Variants in GLIS3 observed in about 807,000 individuals in gnomAD.
GLIS3 encodes GLIS family zinc finger 3, also known as zinc finger protein GLIS3.
Under a neutral mutation model 78.6 loss-of-function variants are expected in GLIS3, and 53 were observed. The observed-to-expected ratio is 0.67, with a 90% CI of 0.54 to 0.85. The LOEUF (loss-of-function observed/expected upper bound fraction) is 0.85. GLIS3 is among the 40% of genes least tolerant of loss of function. The pLI is 0.00. For synonymous variants in GLIS3, 684 were observed against 509.9 expected (o/e 1.34, Z -4.60); for missense variants, 1,703 against 1,231.1 (o/e 1.38, Z -5.74).
At chr9:4,138,411 A>T (rs534378372) in intron 2 of GLIS3, among the ~76,000 whole-genome samples, 1 of 152,292 alleles carries the variant, frequency 6.6e-6, no homozygotes, top group East Asian at 1.9e-4. Context: ...CCTAATCTTA[A>T]ATTGAGTTGC....
At chr9:4,389,090 C>A in the GLIS3 span, among the ~76,000 whole-genome samples, 1 of 152,190 alleles carries the variant, frequency 6.6e-6, no homozygotes, top group Non-Finnish European at 1.5e-5. Flanking sequence ...AATGACCCAG[C>A]AGCTACTGAG....
chr9:4,374,259 T>C, the GLIS3 span, among the ~76,000 whole-genome samples: 1 of 152,190 alleles, frequency 6.6e-6, no homozygotes, highest in Non-Finnish European at 1.5e-5. Context: ...ACTCCCCTTC[T>C]CTGAAGCAAT....
chr9:3,839,438 C>T (rs965919585), intron 9 of GLIS3, among the ~76,000 whole-genome samples: 2 of 152,030 alleles, frequency 1.3e-5, no homozygotes, highest in African/African-American at 4.8e-5. Flanking sequence ...AGTGTTATAC[C>T]AACCACTCAG....
intron 6 of GLIS3, among the ~76,000 whole-genome samples, chr9:3,901,621 A>G (rs895115987): frequency 3.9e-5 from 6 of 152,336 alleles, no homozygotes; most frequent in East Asian, 3.9e-4. Flanking sequence ...AAAGCTTCAT[A>G]AAGAGACAAA....
intron 2 of GLIS3, among the ~76,000 whole-genome samples, chr9:4,239,627 C>T (rs1365364096): frequency 3.9e-5 from 6 of 152,318 alleles, no homozygotes; most frequent in East Asian, 3.9e-4. Context: ...AGAAGGTCTA[C>T]GCTTTGGAGG....
chr9:4,000,584 A>C (rs1215528478), intron 4 of GLIS3, among the ~76,000 whole-genome samples: 3 of 152,206 alleles, frequency 2.0e-5, no homozygotes, highest in African/African-American at 7.2e-5. Context: ...AGCTCGTTTA[A>C]AGAAAAAGAA....
At chr9:4,477,440 G>T in the GLIS3 span, among the ~76,000 whole-genome samples, 1 of 151,852 alleles carries the variant, frequency 6.6e-6, no homozygotes, top group African/African-American at 2.4e-5. Flanking sequence ...TTGAGATAGG[G>T]GTCTCTCTTT....
chr9:4,356,732 C>A, the GLIS3 span, among the ~76,000 whole-genome samples: 2 of 152,148 alleles, frequency 1.3e-5, no homozygotes, highest in East Asian at 1.9e-4. Context: ...CAACAAAGAT[C>A]ATCAACAATG....
intron 2 of GLIS3, among the ~76,000 whole-genome samples, chr9:4,141,913 A>T (rs375809787): frequency 9.2e-5 from 14 of 152,146 alleles, no homozygotes; most frequent in African/African-American, 3.1e-4. Context: ...TTTTTAACTT[A>T]TAAGAGAACT....
chr9:4,197,290 C>G (rs7874424), intron 2 of GLIS3, among the ~76,000 whole-genome samples: 28,288 of 152,114 alleles, frequency 0.19, 4,521 homozygotes, highest in African/African-American at 0.44. Context: ...TGACTAAGCA[C>G]ATCTCCAGAC....
intron 4 of GLIS3, among the ~76,000 whole-genome samples, chr9:4,011,468 G>T (rs577681277): frequency 1.3e-5 from 2 of 152,162 alleles, no homozygotes; most frequent in African/African-American, 4.8e-5. Context: ...TATTAGCAAG[G>T]CCTTGGGGAA....
intron 4 of GLIS3, among the ~76,000 whole-genome samples, chr9:4,080,105 A>T (rs957343042): frequency 6.6e-6 from 1 of 152,250 alleles, no homozygotes; most frequent in African/African-American, 2.4e-5. Context: ...GACTAACTAT[A>T]TTGGAACCCC....
At chr9:4,468,220 T>C in the GLIS3 span, among the ~76,000 whole-genome samples, 4 of 152,314 alleles carry the variant, frequency 2.6e-5, no homozygotes, top group East Asian at 3.9e-4. Context: ...TGCAGGATAT[T>C]ATCCAGGAGA....
rs900219690 is a variant in GLIS3 at position 3,898,740 on chromosome 9, A to G, written c.2079T>C (p.Ala693=). 6.2e-6 allele frequency: 10 copies of G among 1,614,170 alleles called. No homozygotes were observed. The highest frequency in any genetic ancestry group is 8.5e-6 in the Non-Finnish European group (10 of 1,180,014). ...QPATSPRDAA[A]EGTVGRSPGP... ...CAGGGGAGCGTCCCACGGTCCCTTCAGCAGCAGCATCTCTAGGGGAAGTGG... is the reference window on the plus strand; with the variant it reads ...CAGGGGAGCGTCCCACGGTCCCTTCGGCAGCAGCATCTCTAGGGGAAGTGG... Residue 693 remains alanine (A), a synonymous_variant, in exon 7 of 11, where the codon GCT becomes GCC. Coordinates refer to ENST00000381971, the MANE Select transcript of GLIS3 (RefSeq NM_001042413.2).
chr9:4,329,325 T>C (rs1817649107), intron 2 of GLIS3, among the ~76,000 whole-genome samples: 1 of 152,224 alleles, frequency 6.6e-6, no homozygotes, highest in Non-Finnish European at 1.5e-5. Flanking sequence ...CTTTTCTCTG[T>C]TAGCTTGTTT....
the GLIS3 span, among the ~76,000 whole-genome samples, chr9:4,425,105 A>C: frequency 6.6e-6 from 1 of 152,100 alleles, no homozygotes; most frequent in African/African-American, 2.4e-5. Context: ...CGAAGTTTAG[A>C]AGAAAAACAA....
intron 4 of GLIS3, among the ~76,000 whole-genome samples, chr9:4,033,499 C>G (rs1281141297): frequency 6.6e-6 from 1 of 152,112 alleles, no homozygotes; most frequent in Non-Finnish European, 1.5e-5. Context: ...TGCAGACTCC[C>G]TATCCCATGG....
chr9:4,356,223 T>G, the GLIS3 span, among the ~76,000 whole-genome samples: 136 of 152,320 alleles, frequency 8.9e-4, no homozygotes, highest in African/African-American at 3.1e-3. Context: ...CAGTCGCTAT[T>G]GTATTCACAC....
intron 2 of GLIS3, among the ~76,000 whole-genome samples, chr9:4,135,916 G>C (rs546091585): frequency 1.6e-4 from 24 of 152,192 alleles, no homozygotes; most frequent in African/African-American, 5.3e-4. Context: ...GTAGTGTTTT[G>C]TCAAATTCAT....
Sources: gnomAD v4.1 joint callset for allele counts (sites outside exome capture counted in the v4.1 genomes callset) on GRCh38, gnomAD v4.1.1 for gene constraint, MANE v1.5 for transcripts, NCBI Gene and HGNC (gene_info 2026-07-23, HGNC 2026-07-21) for gene names.